PTPRD: variants seen among roughly 807,000 people sequenced by gnomAD.
PTPRD encodes protein tyrosine phosphatase receptor type D, also known as receptor-type tyrosine-protein phosphatase delta.
A neutral mutation model predicts 214.5 loss-of-function variants in PTPRD; 34 were observed. The ratio of observed to expected loss-of-function variants is 0.16; its 90% CI spans 0.12 to 0.21. The LOEUF (loss-of-function observed/expected upper bound fraction) is 0.21. PTPRD is among the 10% of genes least tolerant of loss of function. PTPRD has a pLI of 1.00. For synonymous variants in PTPRD, 1,128 were observed against 845.7 expected (o/e 1.33, Z -5.79); for missense variants, 2,545 against 2,398.7 (o/e 1.06, Z -1.27).
chr9:9,419,889 CTTTA>C (rs1224272439), intron 8 of PTPRD, among the ~76,000 whole-genome samples: 4 of 151,566 alleles, frequency 2.6e-5, no homozygotes, highest in East Asian at 1.9e-4. Flanking sequence ...AAGCATTTTG[CTTTA>C]TTTATCAACA....
intron 31 of PTPRD, among the ~76,000 whole-genome samples, chr9:8,468,384 T>C (rs1484798253): frequency 6.6e-6 from 1 of 151,998 alleles, no homozygotes; most frequent in Non-Finnish European, 1.5e-5. Context: ...TTACATGACC[T>C]GCTCTGAATT....
At chr9:9,762,266 ACTTTGTCCCAT>A (rs1469495528) in intron 6 of PTPRD, among the ~76,000 whole-genome samples, 1 of 152,212 alleles carries the variant, frequency 6.6e-6, no homozygotes, top group East Asian at 1.9e-4. Context: ...GTCTTTCTTC[ACTTTGTCCCAT>A]CTTTGTCCCT....
chr9:9,946,392 TGG>T (rs2092558502), intron 4 of PTPRD, among the ~76,000 whole-genome samples: 1 of 152,070 alleles, frequency 6.6e-6, no homozygotes, highest in African/African-American at 2.4e-5. Context: ...GCTTAGTGAG[TGG>T]CATGTAAGAG....
intron 8 of PTPRD, among the ~76,000 whole-genome samples, chr9:9,443,316 C>T (rs2088999765): frequency 6.6e-6 from 1 of 152,148 alleles, no homozygotes; most frequent in Admixed American, 6.5e-5. Flanking sequence ...TTCTAGTTAG[C>T]ATTGTGACAT....
chr9:9,837,075 T>A (rs2056976804), intron 5 of PTPRD, among the ~76,000 whole-genome samples: 1 of 152,160 alleles, frequency 6.6e-6, no homozygotes, highest in Non-Finnish European at 1.5e-5. Flanking sequence ...ACATACATTC[T>A]TTTCCCTATG....
intron 11 of PTPRD, among the ~76,000 whole-genome samples, chr9:8,755,398 G>A (rs957223802): frequency 2.0e-5 from 3 of 151,686 alleles, no homozygotes; most frequent in African/African-American, 7.3e-5. Context: ...GCATGGCGGT[G>A]CATGCCTGTA....
At chr9:9,077,557 G>T (rs1208879926) in intron 10 of PTPRD, among the ~76,000 whole-genome samples, 1 of 151,946 alleles carries the variant, frequency 6.6e-6, no homozygotes, top group Non-Finnish European at 1.5e-5. Context: ...TGTTTATAGA[G>T]ATCCACAAAA....
At chr9:8,384,567 G>A (rs1175711573) in intron 37 of PTPRD, among the ~76,000 whole-genome samples, 1 of 152,060 alleles carries the variant, frequency 6.6e-6, no homozygotes, top group Non-Finnish European at 1.5e-5. Flanking sequence ...CACTCTTGTT[G>A]CCCAGGCTGG....
intron 4 of PTPRD, among the ~76,000 whole-genome samples, chr9:10,005,796 A>G (rs2096461649): frequency 6.6e-6 from 1 of 152,130 alleles, no homozygotes; most frequent in South Asian, 2.1e-4. Flanking sequence ...TCCTCATTTA[A>G]CAATCTGAAA....
At chr9:8,378,004 A>G (rs2083779946) in intron 37 of PTPRD, among the ~76,000 whole-genome samples, 1 of 152,116 alleles carries the variant, frequency 6.6e-6, no homozygotes, top group Admixed American at 6.6e-5. Context: ...GACAAAAAAG[A>G]AAAGCACTTT....
chr9:8,326,849 G>A (rs1342471318), intron 44 of PTPRD, among the ~76,000 whole-genome samples: 5 of 147,674 alleles, frequency 3.4e-5, no homozygotes, highest in Admixed American at 2.9e-4. Context: ...TTGCATAGAG[G>A]TGTTGATAGT....
At chr9:9,547,911 G>T (rs1044987077) in intron 8 of PTPRD, among the ~76,000 whole-genome samples, 1 of 151,418 alleles carries the variant, frequency 6.6e-6, no homozygotes, top group Admixed American at 6.6e-5. Context: ...AAGAAAAAAA[G>T]GCTTATTATA....
intron 11 of PTPRD, among the ~76,000 whole-genome samples, chr9:8,833,696 CTCTCTA>C (rs1188256526): frequency 8.7e-6 from 1 of 114,716 alleles, no homozygotes; most frequent in Non-Finnish European, 1.9e-5. Flanking sequence ...TCCTCTCTCT[CTCTCTA>C]TATATATATA....
At chr9:9,990,678 CCCA>C (rs1280618952) in intron 4 of PTPRD, among the ~76,000 whole-genome samples, 2 of 152,192 alleles carry the variant, frequency 1.3e-5, no homozygotes, top group Non-Finnish European at 2.9e-5. Flanking sequence ...GGGTGAGCTG[CCCA>C]CCAACTCAGC....
At chr9:9,242,709 TC>T (rs2099970976) in intron 9 of PTPRD, among the ~76,000 whole-genome samples, 1 of 152,148 alleles carries the variant, frequency 6.6e-6, no homozygotes, top group Non-Finnish European at 1.5e-5. Context: ...TTTAAGGACT[TC>T]TCTACACTGG....
intron 9 of PTPRD, among the ~76,000 whole-genome samples, chr9:9,325,173 G>A (rs1325993747): frequency 1.3e-5 from 2 of 152,078 alleles, no homozygotes; most frequent in Non-Finnish European, 2.9e-5. Flanking sequence ...TTGGCAATGT[G>A]GTCTCTTTTT....
At chr9:8,798,814 G>A (rs948935472) in intron 11 of PTPRD, among the ~76,000 whole-genome samples, 1 of 152,150 alleles carries the variant, frequency 6.6e-6, no homozygotes, top group Non-Finnish European at 1.5e-5. Context: ...TTTAGTCACA[G>A]ACTTCTCATT....
chr9:9,831,266 G>C (rs948585783), intron 5 of PTPRD, among the ~76,000 whole-genome samples: 8 of 151,958 alleles, frequency 5.3e-5, no homozygotes, highest in African/African-American at 1.9e-4. Flanking sequence ...CTGAAACCTA[G>C]AGACATTTTT....
chr9:8,742,414 A>G (rs933210034), intron 11 of PTPRD, among the ~76,000 whole-genome samples: 2 of 152,330 alleles, frequency 1.3e-5, no homozygotes, highest in Admixed American at 6.5e-5. Context: ...ATACATGGAT[A>G]TGAAACTATC....
Sources: allele counts gnomAD v4.1 joint callset (sites outside exome capture counted in the v4.1 genomes callset), GRCh38; gene constraint gnomAD v4.1.1; transcripts MANE v1.5; gene names NCBI Gene and HGNC (gene_info 2026-07-23, HGNC 2026-07-21).